Variants in TENM3 observed in about 807,000 individuals in gnomAD.
TENM3 encodes teneurin-3.
TENM3 carries 63 observed loss-of-function variants against 255.1 expected under a neutral mutation model. The ratio of observed to expected loss-of-function variants is 0.25; its 90% confidence interval spans 0.20 to 0.30. TENM3 has a LOEUF of 0.30. Ranked by LOEUF, TENM3 falls within the 10% of genes least tolerant of loss-of-function variation. TENM3 has a pLI of 1.00. For missense variants in TENM3, 2,929 were observed against 3,461.1 expected, an observed-to-expected ratio of 0.85 and a Z score of 3.86; for synonymous variants, 1,306 against 1,322.3, an observed-to-expected ratio of 0.99 and a Z score of 0.27.
the TENM3 span, among the ~76,000 whole-genome samples, chr4:181,703,979 G>A: frequency 6.6e-6 from 1 of 152,114 alleles, no homozygotes; most frequent in African/African-American, 2.4e-5. Flanking sequence ...TACTGTCCAG[G>A]AACGGAATGA....
the TENM3 span, among the ~76,000 whole-genome samples, chr4:181,638,042 G>A: frequency 2.6e-5 from 4 of 152,288 alleles, no homozygotes; most frequent in Non-Finnish European, 5.9e-5. Flanking sequence ...ATGTGAGACC[G>A]TCTACAGGAC....
At chr4:181,510,662 G>T in the TENM3 span, among the ~76,000 whole-genome samples, 1 of 152,320 alleles carries the variant, frequency 6.6e-6, no homozygotes, top group Non-Finnish European at 1.5e-5. Flanking sequence ...TCTAGGGAAT[G>T]GTGTCAAGGC....
At chr4:181,508,975 C>G in the TENM3 span, among the ~76,000 whole-genome samples, 12,194 of 136,636 alleles carry the variant, frequency 0.089, 978 homozygotes, top group African/African-American at 0.22. Context: ...TTGAGCAGCA[C>G]GTACAGGCAA....
At chr4:181,781,930 T>C in the TENM3 span, among the ~76,000 whole-genome samples, 2 of 152,202 alleles carry the variant, frequency 1.3e-5, no homozygotes, top group African/African-American at 4.8e-5. Flanking sequence ...TTTACTGATT[T>C]GCGTATATTG....
chr4:182,641,974 A>G (rs1752356778), intron 5 of TENM3, among the ~76,000 whole-genome samples: 1 of 152,266 alleles, frequency 6.6e-6, no homozygotes, highest in South Asian at 2.1e-4. Context: ...TCTATTACAT[A>G]CATTTCACAA....
chr4:181,805,183 T>A, the TENM3 span, among the ~76,000 whole-genome samples: 1 of 152,130 alleles, frequency 6.6e-6, no homozygotes, highest in Non-Finnish European at 1.5e-5. Context: ...ACAACCTACC[T>A]ACCTTCATTG....
At chr4:182,426,446 A>G (rs1771235170) in intron 3 of TENM3, among the ~76,000 whole-genome samples, 1 of 152,230 alleles carries the variant, frequency 6.6e-6, no homozygotes, top group Non-Finnish European at 1.5e-5. Context: ...CTGCCATTCC[A>G]TCCTTGATAC....
At chr4:182,773,674 A>G in intron 23 of TENM3, 27 bp downstream of exon 23, 1 of 1,594,784 alleles carries the variant, frequency 6.3e-7, no homozygotes, top group Non-Finnish European at 8.6e-7. Flanking sequence ...CATTTTAAAC[A>G]AGTACCACCA....
the TENM3 span, among the ~76,000 whole-genome samples, chr4:182,106,520 C>T: frequency 9.0e-4 from 137 of 152,236 alleles, no homozygotes; most frequent in African/African-American, 3.1e-3. Flanking sequence ...AGTCAGACTT[C>T]TGTCTTTGGA....
chr4:181,506,561 C>T, the TENM3 span, among the ~76,000 whole-genome samples: 337 of 151,848 alleles, frequency 2.2e-3, no homozygotes, highest in African/African-American at 7.8e-3. Flanking sequence ...ATACGCTGTC[C>T]GGCATCATCT....
At chr4:181,574,420 A>G in the TENM3 span, among the ~76,000 whole-genome samples, 23 of 151,366 alleles carry the variant, frequency 1.5e-4, no homozygotes, top group African/African-American at 3.4e-4. Context: ...AGTCCCAGCT[A>G]CTCGGGAGGC....
chr4:182,084,643 A>C, the TENM3 span, among the ~76,000 whole-genome samples: 4 of 152,216 alleles, frequency 2.6e-5, no homozygotes, highest in Non-Finnish European at 5.9e-5. Context: ...GACAACACAG[A>C]TGAAGTGATA....
chr4:181,888,621 A>G, the TENM3 span, among the ~76,000 whole-genome samples: 121,292 of 122,090 alleles, frequency 0.99, 60,258 homozygotes, highest in Middle Eastern at 1. Flanking sequence ...TGTGTGTGGA[A>G]AGAGAGAGAG....
the TENM3 span, among the ~76,000 whole-genome samples, chr4:181,590,115 T>G: frequency 6.6e-6 from 1 of 152,206 alleles, no homozygotes; most frequent in Non-Finnish European, 1.5e-5. Flanking sequence ...TCATTTTTAT[T>G]CGTACCCACA....
At chr4:181,804,152 A>AAGGAAGGAAGGAAAGAAGGGAGGG in the TENM3 span, among the ~76,000 whole-genome samples, 1 of 150,284 alleles carries the variant, frequency 6.7e-6, no homozygotes, top group Non-Finnish European at 1.5e-5. Flanking sequence ...GGGAGGAACC[A>AAGGAAGGAAGGAAAGAAGGGAGGG]AGGAAGGAAG....
the TENM3 span, among the ~76,000 whole-genome samples, chr4:181,630,762 G>A: frequency 1.1e-4 from 16 of 152,272 alleles, no homozygotes; most frequent in South Asian, 3.1e-3. Flanking sequence ...CTCCATCTAT[G>A]TGGTCAATTT....
the TENM3 span, among the ~76,000 whole-genome samples, chr4:182,010,891 ATG>A: frequency 6.6e-6 from 1 of 152,206 alleles, no homozygotes; most frequent in African/African-American, 2.4e-5. Flanking sequence ...GATGCATTCT[ATG>A]CCATCAGCAG....
the TENM3 span, among the ~76,000 whole-genome samples, chr4:181,706,224 G>A: frequency 6.6e-6 from 1 of 151,980 alleles, no homozygotes; most frequent in East Asian, 1.9e-4. Context: ...CTTCTTATAA[G>A]GGCACCAGTC....
At chr4:182,736,732 A>G (rs1162946273) in intron 16 of TENM3, 76 bp from the exon 17 acceptor site, 1 of 1,310,852 alleles carries the variant, frequency 7.6e-7, no homozygotes, top group East Asian at 2.5e-5. Flanking sequence ...TATAGTGAAT[A>G]TGTGCTACAT....
Sources: gnomAD v4.1 joint callset for allele counts (sites outside exome capture counted in the v4.1 genomes callset) on GRCh38, gnomAD v4.1.1 for gene constraint, MANE v1.5 for transcripts, NCBI Gene and HGNC (gene_info 2026-07-23, HGNC 2026-07-21) for gene names.